ZNF578: variants seen among roughly 807,000 people sequenced by gnomAD.
The protein encoded by ZNF578 is Putative chemokine-related protein B42.
A neutral mutation model predicts 8.3 loss-of-function variants in ZNF578; 8 were observed. The observed-to-expected ratio is 0.96, with a 90% confidence interval of 0.56 to 1.74. The LOEUF (loss-of-function observed/expected upper bound fraction) is 1.74. Ranked by LOEUF, ZNF578 falls within the 40% of genes most tolerant of loss-of-function variation. ZNF578 has a pLI of 0.00. For synonymous variants in ZNF578, 206 were observed against 232.2 expected, an observed-to-expected ratio of 0.89 and a Z score of 1.03; for missense variants, 726 against 707.5, an observed-to-expected ratio of 1.03 and a Z score of -0.30.
rs373420345 is a variant in ZNF578 at position 52,511,439 on chromosome 19, G to A, written c.1058G>A (p.Ser353Asn). 11 of 1,613,820 alleles carry A rather than the reference G, an allele frequency of 6.8e-6. No individual in the cohort carries two copies. The highest frequency in any genetic ancestry group is 4.0e-5 in the African/African-American group (3 of 74,908). The change falls in exon 6 of 6, where the codon AGT becomes AAT. Residue 353 changes from serine to asparagine, a missense_variant. Physicochemically the swap from Ser to Asn is conservative, Grantham distance 46 (BLOSUM62 1). Transcript: ENST00000421239. Reference sequence around the variant, plus strand: ...TGTAATGAATGTGGAAAGTCCTTCAGTTACAAGTCATCCCTTAGATGCCAT... The same window carrying A: ...TGTAATGAATGTGGAAAGTCCTTCAATTACAAGTCATCCCTTAGATGCCAT... ...YKCNECGKSF[S>N]YKSSLRCHRR... is the part of the protein sequence containing the mutation.
chr19:52,477,374 G>A (rs527256921), intron 2 of ZNF578, among the ~76,000 whole-genome samples: 4 of 152,028 alleles, frequency 2.6e-5, no homozygotes, highest in Non-Finnish European at 5.9e-5. Flanking sequence ...CTGGGTCCAG[G>A]CCCCCTTCTC....
At chr19:52,509,862 AC>A (rs1397539064) in intron 5 of ZNF578, among the ~76,000 whole-genome samples, 1 of 151,968 alleles carries the variant, frequency 6.6e-6, no homozygotes, top group Non-Finnish European at 1.5e-5. Context: ...TATTGTATTA[AC>A]TTTTTTTTTC....
intron 2 of ZNF578, among the ~76,000 whole-genome samples, chr19:52,482,531 G>A (rs553594562): frequency 1.8e-4 from 27 of 152,064 alleles, no homozygotes; most frequent in Non-Finnish European, 3.4e-4. Context: ...CCACCTACTC[G>A]GGAGGCTGAG....
At chr19:52,502,309 C>T (rs1599910693) in intron 4 of ZNF578, among the ~76,000 whole-genome samples, 1 of 152,248 alleles carries the variant, frequency 6.6e-6, no homozygotes, top group South Asian at 2.1e-4. Flanking sequence ...TGTTAATGTG[C>T]CCAGGTATGT....
chr19:52,480,645 C>T (rs1395913471), intron 2 of ZNF578, among the ~76,000 whole-genome samples: 1 of 151,700 alleles, frequency 6.6e-6, no homozygotes, highest in East Asian at 1.9e-4. Context: ...TGCCTATAAT[C>T]CCAGCACTTT....
At position 52,510,884 on chromosome 19, in the gene ZNF578, A is replaced by T. The variant is rs769160672; in HGVS notation, c.503A>T (p.His168Leu). ...TTTCATTTGCATCTTCCTGAACTCC[A>T]CATATTTCAGCCCGAAGAGAAAATT... The part of the protein sequence containing the change: ...LSFHLHLPEL[H>L]IFQPEEKIAN... Residue 168 changes from histidine (H) to leucine (L), a missense_variant, in exon 6 of 6, where the codon CAC becomes CTC. Coordinates refer to ENST00000421239, the MANE Select transcript of ZNF578 (RefSeq NM_001099694.2). 7 of 1,614,100 alleles carry T rather than the reference A, an allele frequency of 4.3e-6. No individual in the cohort carries two copies. Among genetic ancestry groups the T allele is most frequent in the Non-Finnish European group, 5.1e-6 (6 of 1,180,038 alleles).
intron 4 of ZNF578, among the ~76,000 whole-genome samples, chr19:52,504,345 C>T (rs532565340): frequency 9.9e-5 from 15 of 152,246 alleles, no homozygotes; most frequent in Admixed American, 9.2e-4. Flanking sequence ...CCCACCTTGG[C>T]CTCCCGAAGC....
chr19:52,471,947 C>CAAGGAT (rs766786002), intron 2 of ZNF578, among the ~76,000 whole-genome samples: 81 of 56,824 alleles, frequency 1.4e-3, no homozygotes, highest in Non-Finnish European at 3.2e-3. Context: ...GTCACTAATA[C>CAAGGAT]GAAAAAGACA....
At chr19:52,501,691 C>G in intron 3 of ZNF578, 136 bp from the exon 4 acceptor site, 1 of 849,218 alleles carries the variant, frequency 1.2e-6, no homozygotes, top group East Asian at 2.6e-5. Flanking sequence ...TTTCTTATGT[C>G]TGCATGATCT....
At chr19:52,490,787 G>A (rs889866400) in intron 2 of ZNF578, among the ~76,000 whole-genome samples, 32 of 152,030 alleles carry the variant, frequency 2.1e-4, no homozygotes, top group Admixed American at 1.1e-3. Flanking sequence ...ACAGGTGACC[G>A]CCACCACGCC....
intron 2 of ZNF578, among the ~76,000 whole-genome samples, chr19:52,475,776 G>C (rs758773040): frequency 6.6e-6 from 1 of 152,186 alleles, no homozygotes; most frequent in Non-Finnish European, 1.5e-5. Flanking sequence ...TAGTGCCTGC[G>C]TAATGGTATG....
intron 2 of ZNF578, among the ~76,000 whole-genome samples, chr19:52,462,934 T>C (rs1397273993): frequency 6.6e-6 from 1 of 152,186 alleles, no homozygotes; most frequent in African/African-American, 2.4e-5. Flanking sequence ...ACACAGGTTT[T>C]CCTTCATGAA....
intron 2 of ZNF578, among the ~76,000 whole-genome samples, chr19:52,482,074 T>C (rs376706693): frequency 1.3e-5 from 2 of 150,596 alleles, no homozygotes; most frequent in Non-Finnish European, 3.0e-5. Flanking sequence ...GCTCTTGTTG[T>C]CCAGGCTGGA....
chr19:52,470,099 C>G (rs1430914820), intron 2 of ZNF578, among the ~76,000 whole-genome samples: 1 of 152,156 alleles, frequency 6.6e-6, no homozygotes, highest in Non-Finnish European at 1.5e-5. Context: ...GGCCTCCCTA[C>G]CCCTCATGGT....
At chr19:52,475,319 AC>A (rs2059304596) in intron 2 of ZNF578, 1 of 212,116 alleles carries the variant, frequency 4.7e-6, no homozygotes, top group East Asian at 1.1e-4. Flanking sequence ...GAGTTTTCAC[AC>A]CAGAAGAAAT....
chr19:52,490,207 T>C (rs1306746839), intron 2 of ZNF578, among the ~76,000 whole-genome samples: 2 of 152,218 alleles, frequency 1.3e-5, no homozygotes, highest in African/African-American at 2.4e-5. Flanking sequence ...AATACATATA[T>C]ATAAAATTGC....
In ZNF578 at chr19:52,504,854, CTT is replaced by C; in HGVS notation, c.190+76_190+77del. 4.4e-6 allele frequency: 7 copies of C among 1,591,048 alleles called. No homozygotes were observed. In the South Asian group the frequency reaches 8.0e-5, roughly 18 times the overall value. On this transcript the variant is annotated intron_variant, in intron 5 of 5. Coordinates refer to ENST00000421239, the MANE Select transcript of ZNF578 (RefSeq NM_001099694.2). The stretch of plus-strand genomic sequence containing the variant: ...TTGGCTCTTCCTGGTTTTGTATTCT[CTT>C]TTGTGATTTTGCCCCATACGTGGTT...
intron 2 of ZNF578, among the ~76,000 whole-genome samples, chr19:52,480,184 GCGTGAGCCAC>G: frequency 6.6e-6 from 1 of 152,312 alleles, no homozygotes. Context: ...GGGATTACAG[GCGTGAGCCAC>G]CGTGCCCAGT....
intron 2 of ZNF578, among the ~76,000 whole-genome samples, chr19:52,464,143 G>A (rs1333213218): frequency 6.6e-6 from 1 of 152,042 alleles, no homozygotes; most frequent in Admixed American, 6.6e-5. Flanking sequence ...TGTTTTTATG[G>A]TATTATGTGG....
Sources: allele counts gnomAD v4.1 joint callset (sites outside exome capture counted in the v4.1 genomes callset), GRCh38; gene constraint gnomAD v4.1.1; transcripts MANE v1.5; gene names NCBI Gene and HGNC (gene_info 2026-07-23, HGNC 2026-07-21).